Variants in LAMA4 observed in about 807,000 individuals in gnomAD.
The protein encoded by LAMA4 is laminin subunit alpha 4.
LAMA4 carries 127 observed loss-of-function variants against 207.1 expected under a neutral mutation model. The observed-to-expected ratio is 0.61, with a 90% CI of 0.53 to 0.71. LAMA4 has a LOEUF of 0.71. Ranked by LOEUF, LAMA4 falls within the 30% of genes least tolerant of loss-of-function variation. The pLI, the probability that LAMA4 is intolerant of heterozygous loss-of-function variation, is 0.00. For missense variants in LAMA4, 2,093 were observed against 2,246.5 expected (o/e 0.93, Z 1.38); for synonymous variants, 761 against 816.0 (o/e 0.93, Z 1.15).
chr6:112,167,795 C>T (rs994534905), intron 12 of LAMA4, among the ~76,000 whole-genome samples: 1 of 149,926 alleles, frequency 6.7e-6, no homozygotes, highest in African/African-American at 2.5e-5. Flanking sequence ...GGAGTGCTGC[C>T]CTTGGATGCT....
In LAMA4 at chr6:112,144,926, A is replaced by G. The variant is rs1779929911; in HGVS notation, c.2361T>C (p.Asn787=). The G allele has an allele frequency of 1.2e-6, 2 of 1,613,620 alleles. No homozygotes were observed. Among genetic ancestry groups the G allele is most frequent in the East Asian group, 4.5e-5 (2 of 44,864 alleles). Reference sequence around the variant, plus strand: ...GGAGCTGAGGGACAACCTCGGTCAGATTTCTTACTGCAGTTAATAAAAATT... The same window carrying G: ...GGAGCTGAGGGACAACCTCGGTCAGGTTTCTTACTGCAGTTAATAAAAATT... ...AVNSARDAVR[N]LTEVVPQLLD... is the part of the protein sequence containing the mutation. The change falls in exon 19 of 39, where the codon AAT becomes AAC. Residue 787 remains asparagine (N), a synonymous_variant. Coordinates refer to ENST00000230538, the MANE Select transcript of LAMA4 (RefSeq NM_001105206.3).
intron 2 of LAMA4, among the ~76,000 whole-genome samples, chr6:112,233,348 G>T (rs782223234): frequency 2.6e-5 from 4 of 152,148 alleles, no homozygotes; most frequent in Non-Finnish European, 5.9e-5. Flanking sequence ...CACAAAATGC[G>T]TTTTCAACAA....
chr6:112,194,107 C>T (rs1000484886), intron 5 of LAMA4, among the ~76,000 whole-genome samples: 5 of 152,178 alleles, frequency 3.3e-5, no homozygotes, highest in Admixed American at 2.0e-4. Context: ...GATTTATAGG[C>T]CTGCAGGTCC....
rs79380015 is a variant in LAMA4, at chr6:112,117,093, G to A, written c.4981+646C>T. 5.2e-3 allele frequency among the ~76,000 whole-genome samples: 798 copies of A among 152,184 alleles called. 8 individuals carry two copies. The highest frequency in any genetic ancestry group is 0.019 in the African/African-American group (771 of 41,518). On this transcript the variant is annotated intron_variant, in intron 35 of 38. Transcript: ENST00000230538. The surrounding 1 kb of genome is among the most constrained non-coding windows in gnomAD (Gnocchi z 4.5). ...TTATACCCTTTCCTATCCTAATTCC[G>A]GGCACTTATTCTGGTGTCTTCCTCA...
chr6:112,195,864 C>A (rs1241071149), intron 5 of LAMA4, among the ~76,000 whole-genome samples: 1 of 151,908 alleles, frequency 6.6e-6, no homozygotes, highest in Non-Finnish European at 1.5e-5. Context: ...CTTGCTAACC[C>A]AATTGTGTGA....
intron 14 of LAMA4, chr6:112,158,397 C>T: frequency 2.9e-6 from 1 of 342,016 alleles, no homozygotes; most frequent in Non-Finnish European, 5.5e-6. Context: ...TATACATTGT[C>T]TTTGGTCATC....
intron 5 of LAMA4, among the ~76,000 whole-genome samples, chr6:112,192,497 TGA>T (rs1324731192): frequency 6.6e-6 from 1 of 152,192 alleles, no homozygotes; most frequent in African/African-American, 2.4e-5. Context: ...ATGGCAGAGC[TGA>T]GAGTACCACA....
In LAMA4 at chr6:112,132,791, A is replaced by G; in HGVS notation, c.3796T>C (p.Leu1266=). Residue 1266 remains leucine, a synonymous_variant, in exon 28 of 39, where the codon TTA becomes CTA. Coordinates refer to ENST00000230538, the MANE Select transcript of LAMA4 (RefSeq NM_001105206.3). ...TAGAATAGTAACCCATTTGGTTGTA[A>G]TGTTCGGAAATTAAAACCTCCTTCA... The part of the protein sequence containing the change: ...GFEGGFNFRT[L]QPNGLLFYYA... 1 of 1,613,248 alleles carries G rather than the reference A, an allele frequency of 6.2e-7. No individual in the cohort carries two copies.
At chr6:112,175,568 G>T in intron 10 of LAMA4, 88 bp from the exon 11 acceptor site, 1 of 1,300,356 alleles carries the variant, frequency 7.7e-7, no homozygotes, top group Non-Finnish European at 1.1e-6. Context: ...TGGGCAAAGG[G>T]CAGGGCTGAT....
chr6:112,124,884 G>C (rs1250434170), intron 31 of LAMA4, among the ~76,000 whole-genome samples: 1 of 151,930 alleles, frequency 6.6e-6, no homozygotes, highest in Admixed American at 6.6e-5. Flanking sequence ...AGCCTCCCGA[G>C]TAGCTGGGAT....
At chr6:112,191,891 GT>G (rs1415895281) in intron 5 of LAMA4, 41 bp from the exon 6 acceptor site, 24 of 1,434,352 alleles carry the variant, frequency 1.7e-5, no homozygotes, top group Non-Finnish European at 2.3e-5. Flanking sequence ...TAGCATCATG[GT>G]TTTTCTTCCT....
At chr6:112,221,170 G>A (rs1462131018) in intron 2 of LAMA4, among the ~76,000 whole-genome samples, 1 of 152,110 alleles carries the variant, frequency 6.6e-6, no homozygotes, top group African/African-American at 2.4e-5. Context: ...AGGTTTCTGA[G>A]TCCCAAAGAG....
chr6:112,197,856 CT>C (rs1783511917), intron 5 of LAMA4, among the ~76,000 whole-genome samples: 1 of 152,172 alleles, frequency 6.6e-6, no homozygotes, highest in Admixed American at 6.5e-5. Context: ...AGACTGTCAC[CT>C]CTGTTATTTT....
chr6:112,165,076 T>C (rs1011786841), intron 13 of LAMA4, 84 bp downstream of exon 13: 3 of 820,028 alleles, frequency 3.7e-6, no homozygotes, highest in Admixed American at 1.7e-5. Flanking sequence ...TGGTTAGATA[T>C]GAATTTATTA....
chr6:112,121,811 G>A, intron 32 of LAMA4: 1 of 541,668 alleles, frequency 1.8e-6, no homozygotes, highest in Non-Finnish European at 3.3e-6. Flanking sequence ...ACTGTTTTAT[G>A]AACCTTACAA....
chr6:112,219,696 A>G (rs1228500492), intron 2 of LAMA4: 4 of 152,212 alleles, frequency 2.6e-5, no homozygotes, highest in Admixed American at 6.5e-5. Context: ...ATAAATACAT[A>G]CCTAAAGTTT....
At chr6:112,220,120 GTTA>G (rs1447139176) in intron 2 of LAMA4, among the ~76,000 whole-genome samples, 2 of 152,044 alleles carry the variant, frequency 1.3e-5, no homozygotes, top group African/African-American at 4.8e-5. Flanking sequence ...AAAATACATA[GTTA>G]TTAATATATG....
chr6:112,132,778 C>A lies in LAMA4; in HGVS notation c.3809G>T (p.Gly1270Val). ...CCCTGAAGCATAATAGAATAGTAACCCATTTGGTTGTAATGTTCGGAAATT... is the reference window on the plus strand; with the variant it reads ...CCCTGAAGCATAATAGAATAGTAACACATTTGGTTGTAATGTTCGGAAATT... ...GFNFRTLQPN[G>V]LLFYYASGSD... Residue 1270 changes from glycine to valine, a missense_variant, in exon 28 of 39, where the codon GGG becomes GTG. By Grantham distance (109) the Gly-to-Val change is moderately radical (BLOSUM62 -3). This residue lies in a region of LAMA4 where 1,704 missense variants were observed against 1,788.4 expected (regional missense o/e 0.95). Coordinates refer to ENST00000230538, the MANE Select transcript of LAMA4 (RefSeq NM_001105206.3). 6.2e-7 allele frequency: 1 copy of A among 1,612,880 alleles called. No homozygotes were observed. Among genetic ancestry groups the A allele is most frequent in the Non-Finnish European group, 8.5e-7 (1 of 1,179,212 alleles).
intron 24 of LAMA4, among the ~76,000 whole-genome samples, chr6:112,137,607 C>T (rs1554331955): frequency 2.0e-5 from 3 of 152,174 alleles, no homozygotes; most frequent in Non-Finnish European, 4.4e-5. Context: ...TAGCCTATTG[C>T]AATTTATTGC....
Sources: allele counts gnomAD v4.1 joint callset (sites outside exome capture counted in the v4.1 genomes callset), GRCh38; gene constraint gnomAD v4.1.1; regional missense constraint gnomAD v4.1.1; non-coding constraint Gnocchi (gnomAD v3.1); transcripts MANE v1.5; gene names NCBI Gene and HGNC (gene_info 2026-07-23, HGNC 2026-07-21).